SDF4: variants seen among roughly 807,000 people sequenced by gnomAD.
SDF4 encodes stromal cell derived factor 4.
Under a neutral mutation model 34.2 loss-of-function variants are expected in SDF4, and 22 were observed. That is an observed-to-expected ratio of 0.64 (90% CI 0.46 to 0.92). SDF4 has a LOEUF of 0.92. Among genes scored for constraint, SDF4 ranks in the 40% least tolerant of loss-of-function variants. SDF4 has a pLI of 0.00. For synonymous variants in SDF4, 236 were observed against 203.1 expected (o/e 1.16, Z -1.38); for missense variants, 447 against 499.9 (o/e 0.89, Z 1.01).
At chr1:1,220,136 A>G in intron 4 of SDF4, 1 of 987,058 alleles carries the variant, frequency 1.0e-6, no homozygotes, top group Non-Finnish European at 1.2e-6. Context: ...GCCGCCGCCG[A>G]GCCCCAGCAC....
In SDF4 at chr1:1,228,795, G is replaced by A. The variant is rs1353119528; in HGVS notation, c.-23C>T. The A allele has an allele frequency of 1.9e-6, 3 of 1,585,182 alleles. No homozygotes were observed. Among genetic ancestry groups the A allele is most frequent in the South Asian group, 2.2e-5 (2 of 89,290 alleles). On this transcript the variant is annotated 5_prime_UTR_variant, in exon 2 of 7. Coordinates refer to ENST00000360001, the MANE Select transcript of SDF4 (RefSeq NM_016176.6). ...CATCGCCACCCAGGGCCAGACCATG[G>A]GGCGGGCTGCAGGGTGTGGGCCAGG...
In SDF4 at chr1:1,223,376, C is replaced by T; in HGVS notation, c.443-19G>A. On this transcript the variant is annotated intron_variant, in intron 3 of 6. Transcript: ENST00000360001. ...ACGTGACCTGGAAGAGCAGATCACA[C>T]CTGTCAGGGCCTCTGATACTGAGCT... 11 of 1,504,602 alleles carry T rather than the reference C, an allele frequency of 7.3e-6. No homozygotes were observed. The South Asian group carries it at 9.3e-5, about 13-fold the overall frequency. The allele number at this position is 1,504,602 out of a possible 1,614,324, so 93.2% of individuals were successfully genotyped here. A position where few individuals can be genotyped will look rare whatever the true frequency, so the allele number is the denominator to read the frequency against.
Position 1,217,873 on chromosome 1 carries a change from A to G in SDF4, c.892-185T>C. The G allele has an allele frequency of 6.8e-7, 1 of 1,460,250 alleles. No homozygotes were observed. Among genetic ancestry groups the G allele is most frequent in the East Asian group, 2.4e-5 (1 of 40,896 alleles). 90.5% of individuals were successfully genotyped at this position (1,460,250 alleles called of 1,614,324 possible). A position where few individuals can be genotyped will look rare whatever the true frequency, so the allele number is the denominator to read the frequency against. On this transcript the variant is annotated intron_variant, in intron 6 of 6. Coordinates refer to ENST00000360001, the MANE Select transcript of SDF4 (RefSeq NM_016176.6). This position sits in a 1 kb window ranked among gnomAD's most constrained non-coding sequence, Gnocchi z 8.5. ...GCAGGGAGAAGCCGGGGGCCCCGGAAGGCCTGCCCGGGGCCAGCAGGGGTA... is the reference window on the plus strand; with the variant it reads ...GCAGGGAGAAGCCGGGGGCCCCGGAGGGCCTGCCCGGGGCCAGCAGGGGTA...
rs6603781 is a variant in SDF4 at position 1,223,251 on chromosome 1, A to G, written c.549T>C (p.Asp183=). 0.9 allele frequency: 1,453,008 copies of G among 1,611,938 alleles called. 655,997 individuals are homozygous for G. The highest frequency in any genetic ancestry group is 1 in the East Asian group (44,860 of 44,868). The change falls in exon 4 of 7, where the codon GAT becomes GAC. Residue 183 remains aspartate, a synonymous_variant. Transcript: ENST00000360001. ...GCCTGGCTGAGCACTCACTTTCCTC[A>G]TCCACTTTGAGTTCCTCGTTGAGCC... is the stretch of plus-strand genomic sequence containing the variant. ...AIRLNEELKV[D]EETQEVLENL... is the part of the protein sequence containing the mutation.
In SDF4 at chr1:1,218,782, G is replaced by T. The variant is rs754121798; in HGVS notation, c.702C>A (p.Ile234=). Residue 234 remains isoleucine, a synonymous_variant, in exon 5 of 7, where the codon ATC becomes ATA. Coordinates refer to ENST00000360001, the MANE Select transcript of SDF4 (RefSeq NM_016176.6). This position sits in a 1 kb window ranked among gnomAD's most constrained non-coding sequence, Gnocchi z 7.9. Reference sequence around the variant, plus strand: ...ACCCAGCCTCACCCAGGTCCCGGACGATCTCCTTCACCATGAACCTGAGCA... The same window carrying T: ...ACCCAGCCTCACCCAGGTCCCGGACTATCTCCTTCACCATGAACCTGAGCA... The part of the protein sequence containing the change: ...RGMLRFMVKE[I]VRDLDQDGDK... The T allele has an allele frequency of 1.9e-6, 3 of 1,611,956 alleles. No individual in the cohort carries two copies. The highest frequency in any genetic ancestry group is 2.5e-6 in the Non-Finnish European group (3 of 1,178,982).
In SDF4 at chr1:1,228,821, T is replaced by C. The variant is rs770429846; in HGVS notation, c.-49A>G. ...GGCGGGCTGCAGGGTGTGGGCCAGG[T>C]GCTGGGAGGGGCAGGGGCAGGGGCA... is the stretch of plus-strand genomic sequence containing the variant. On this transcript the variant is annotated 5_prime_UTR_variant, in exon 2 of 7. Transcript: ENST00000360001. 7.2e-6 allele frequency: 11 copies of C among 1,532,756 alleles called. No individual in the cohort carries two copies. The highest frequency in any genetic ancestry group is 9.7e-6 in the Non-Finnish European group (11 of 1,136,400). 94.9% of individuals were successfully genotyped at this position (1,532,756 alleles called of 1,614,324 possible).
At chr1:1,224,278 C>T (rs1638225520) in intron 2 of SDF4, among the ~76,000 whole-genome samples, 1 of 150,780 alleles carries the variant, frequency 6.6e-6, no homozygotes, top group Admixed American at 6.6e-5. Context: ...TCACACTCTT[C>T]ACGTTTTATT....
chr1:1,222,863 G>A (rs985270677), intron 4 of SDF4, among the ~76,000 whole-genome samples: 6 of 152,228 alleles, frequency 3.9e-5, no homozygotes, highest in African/African-American at 1.2e-4. Context: ...TGCACACAGC[G>A]GGTGTGAGGG....
At chr1:1,227,953 C>T (rs546055942) in intron 2 of SDF4, among the ~76,000 whole-genome samples, 1 of 152,204 alleles carries the variant, frequency 6.6e-6, no homozygotes. Flanking sequence ...GCCAACCCCA[C>T]ACACCCCCAG....
At position 1,218,728 on chromosome 1, in the gene SDF4, C is replaced by CCTGGGTCCTGGCGTGCCGGCCAGG. The variant is rs758154301; in HGVS notation, c.715+17_715+40dup. 1.4e-5 allele frequency: 22 copies of CCTGGGTCCTGGCGTGCCGGCCAGG among 1,611,950 alleles called. No homozygotes were observed. Among genetic ancestry groups the CCTGGGTCCTGGCGTGCCGGCCAGG allele is most frequent in the Middle Eastern group, 1.6e-4 (1 of 6,082 alleles). On this transcript the variant is annotated intron_variant, in intron 5 of 6. Coordinates refer to ENST00000360001, the MANE Select transcript of SDF4 (RefSeq NM_016176.6). The surrounding 1 kb of genome is among the most constrained non-coding windows in gnomAD (Gnocchi z 7.9). ...CGATGCCCGGCCCCTGCCAGTCGGT[C>CCTGGGTCCTGGCGTGCCGGCCAGG]CTGGGTCCTGGCGTGCCGGCCAGGC... is the stretch of plus-strand genomic sequence containing the variant.
chr1:1,225,974 C>T (rs760760765), intron 2 of SDF4, among the ~76,000 whole-genome samples: 1 of 152,212 alleles, frequency 6.6e-6, no homozygotes, highest in East Asian at 1.9e-4. Flanking sequence ...GTGCACAGGC[C>T]GGTACCCACG....
chr1:1,219,278 T>C, intron 4 of SDF4: 1 of 1,145,386 alleles, frequency 8.7e-7, no homozygotes, highest in Non-Finnish European at 1.1e-6. Context: ...CCCCAGGACA[T>C]GGCCTGGACC....
intron 2 of SDF4, chr1:1,227,175 C>T (rs1005498478): frequency 7.2e-5 from 11 of 153,670 alleles, no homozygotes; most frequent in African/African-American, 2.2e-4. Flanking sequence ...CACAGCCAGA[C>T]CAGTCCTCAC....
intron 2 of SDF4, among the ~76,000 whole-genome samples, chr1:1,227,989 G>A (rs995189712): frequency 2.0e-5 from 3 of 152,232 alleles, no homozygotes; most frequent in African/African-American, 7.2e-5. Context: ...CGGCCCGTGT[G>A]TGACAGGGAC....
At chr1:1,219,290 C>G (rs540740160) in intron 4 of SDF4, 1 of 1,179,486 alleles carries the variant, frequency 8.5e-7, no homozygotes, top group South Asian at 1.6e-5. Flanking sequence ...GCCTGGACCC[C>G]CCACACAGCC....
In SDF4 at chr1:1,219,479, G is replaced by A. The variant is rs967974850; in HGVS notation, c.557-552C>T. Reference sequence around the variant, plus strand: ...AAGGCTGACGTGCGCACGGCGCCGCGGGGCGAAGGACTCACTGCCCTTTTC... The same window carrying A: ...AAGGCTGACGTGCGCACGGCGCCGCAGGGCGAAGGACTCACTGCCCTTTTC... On this transcript the variant is annotated intron_variant, in intron 4 of 6. Coordinates refer to ENST00000360001, the MANE Select transcript of SDF4 (RefSeq NM_016176.6). 6.3e-5 allele frequency: 63 copies of A among 999,362 alleles called. No homozygotes were observed. The African/African-American group carries it at 9.4e-4, about 15-fold the overall frequency. The allele number at this position is 999,362 out of a possible 1,614,324, so 61.9% of individuals were successfully genotyped here.
chr1:1,220,468 T>C (rs1268358771), intron 4 of SDF4: 5 of 1,188,828 alleles, frequency 4.2e-6, no homozygotes, highest in East Asian at 5.8e-5. Context: ...CTGCCAGCGC[T>C]TCCCAGGCCC....
intron 4 of SDF4, among the ~76,000 whole-genome samples, chr1:1,221,770 G>A (rs574327177): frequency 2.0e-5 from 3 of 152,284 alleles, no homozygotes; most frequent in East Asian, 1.9e-4. Flanking sequence ...AGACCAACCC[G>A]GCCAACACGG....
Position 1,217,830 on chromosome 1 carries a change from C to T in SDF4, c.892-142G>A. 1 of 1,542,380 alleles carries T rather than the reference C, an allele frequency of 6.5e-7. No individual in the cohort carries two copies. Among genetic ancestry groups the T allele is most frequent in the Admixed American group, 1.9e-5 (1 of 53,714 alleles). On this transcript the variant is annotated intron_variant, in intron 6 of 6. Coordinates refer to ENST00000360001, the MANE Select transcript of SDF4 (RefSeq NM_016176.6). This position sits in a 1 kb window ranked among gnomAD's most constrained non-coding sequence, Gnocchi z 8.5. ...CTGGAAGGTTCCCGAAGGGAGGCGGCACAAATGAAAACACAGGGCAGGGAG... is the reference window on the plus strand; with the variant it reads ...CTGGAAGGTTCCCGAAGGGAGGCGGTACAAATGAAAACACAGGGCAGGGAG...
Sources: gnomAD v4.1 joint callset for allele counts (sites outside exome capture counted in the v4.1 genomes callset) on GRCh38, gnomAD v4.1.1 for gene constraint, Gnocchi (gnomAD v3.1) non-coding constraint, MANE v1.5 for transcripts, NCBI Gene and HGNC (gene_info 2026-07-23, HGNC 2026-07-21) for gene names.